Variants in SYNDIG1 observed in about 807,000 individuals in gnomAD.
The protein encoded by SYNDIG1 is synapse differentiation-inducing gene protein 1.
A neutral mutation model predicts 19.4 loss-of-function variants in SYNDIG1; 9 were observed. The ratio of observed to expected loss-of-function variants is 0.46; its 90% confidence interval spans 0.28 to 0.81. SYNDIG1 has a LOEUF of 0.81. SYNDIG1 is among the 30% of genes least tolerant of loss of function. SYNDIG1 has a pLI of 0.12. For missense variants in SYNDIG1, 311 were observed against 343.3 expected (o/e 0.91, Z 0.74); for synonymous variants, 141 against 145.9 (o/e 0.97, Z 0.24).
chr20:24,520,979 C>T (rs2056990376), intron 1 of SYNDIG1, among the ~76,000 whole-genome samples: 1 of 152,282 alleles, frequency 6.6e-6, no homozygotes, highest in African/African-American at 2.4e-5. Flanking sequence ...AGTAACTCTC[C>T]GTTCCCTCCC....
chr20:24,663,321 T>TC (rs2059619936), intron 3 of SYNDIG1, among the ~76,000 whole-genome samples: 1 of 151,990 alleles, frequency 6.6e-6, no homozygotes, highest in Admixed American at 6.6e-5. Flanking sequence ...CGTATCAAGG[T>TC]CCCCCAGCGT....
intron 3 of SYNDIG1, among the ~76,000 whole-genome samples, chr20:24,661,042 T>A (rs1056764066): frequency 2.0e-5 from 3 of 152,248 alleles, no homozygotes; most frequent in Admixed American, 6.5e-5. Flanking sequence ...GCCTTCCTTC[T>A]GTGGATGGGA....
chr20:24,597,963 T>C (rs1274967258), intron 3 of SYNDIG1, among the ~76,000 whole-genome samples: 1 of 152,116 alleles, frequency 6.6e-6, no homozygotes, highest in Non-Finnish European at 1.5e-5. Context: ...AAATGACAAT[T>C]TGGGTTATAT....
At chr20:24,555,419 C>T (rs1410542165) in intron 2 of SYNDIG1, among the ~76,000 whole-genome samples, 2 of 152,042 alleles carry the variant, frequency 1.3e-5, no homozygotes, top group African/African-American at 2.4e-5. Flanking sequence ...TTGGATCTTT[C>T]CTGCTTTCTC....
At chr20:24,591,805 C>A (rs554675156) in intron 3 of SYNDIG1, among the ~76,000 whole-genome samples, 1 of 152,344 alleles carries the variant, frequency 6.6e-6, no homozygotes, top group African/African-American at 2.4e-5. Context: ...TCGGTGCCCC[C>A]ACCATCAATG....
chr20:24,527,757 C>A (rs970551418), intron 1 of SYNDIG1, among the ~76,000 whole-genome samples: 1 of 152,064 alleles, frequency 6.6e-6, no homozygotes, highest in Non-Finnish European at 1.5e-5. Flanking sequence ...AGAGTGTGGT[C>A]CCTGGATCAG....
At chr20:24,545,328 G>A (rs1320729834) in intron 2 of SYNDIG1, among the ~76,000 whole-genome samples, 4 of 152,158 alleles carry the variant, frequency 2.6e-5, no homozygotes, top group South Asian at 2.1e-4. Flanking sequence ...GGGCACTCAC[G>A]CTGCAGCTGT....
At chr20:24,632,958 T>G (rs890550240) in intron 3 of SYNDIG1, among the ~76,000 whole-genome samples, 6 of 152,078 alleles carry the variant, frequency 3.9e-5, no homozygotes, top group Non-Finnish European at 8.8e-5. Flanking sequence ...TTTGTTTTTT[T>G]TTTTTTTTCG....
chr20:24,543,546 T>C lies in SYNDIG1; in HGVS notation c.449T>C (p.Val150Ala). Residue 150 changes from valine (V) to alanine (A), a missense_variant, in exon 2 of 4, where the codon GTG (valine) becomes GCG (alanine). By Grantham distance (64) the Val-to-Ala change is moderately conservative (BLOSUM62 0). Coordinates refer to ENST00000376862, the MANE Select transcript of SYNDIG1 (RefSeq NM_024893.3). ...DIKIHTLSYD[V>A]EEEEEFQELE... ...AAAATCCACACCCTGTCCTACGATG[T>C]GGAGGAGGAGGAGGAGTTCCAGGAG... 6.3e-7 allele frequency: 1 copy of C among 1,592,078 alleles called. No individual in the cohort carries two copies. The highest frequency in any genetic ancestry group is 1.1e-5 in the South Asian group (1 of 90,176).
At chr20:24,639,152 G>A (rs2059347113) in intron 3 of SYNDIG1, among the ~76,000 whole-genome samples, 1 of 152,282 alleles carries the variant, frequency 6.6e-6, no homozygotes, top group Middle Eastern at 3.4e-3. Flanking sequence ...CAGGAGGGGT[G>A]CACACAGAGG....
intron 3 of SYNDIG1, among the ~76,000 whole-genome samples, chr20:24,612,946 A>C (rs1444453406): frequency 6.6e-6 from 1 of 152,228 alleles, no homozygotes; most frequent in South Asian, 2.1e-4. Flanking sequence ...TGAGTGCTTC[A>C]TGAGTTCCAT....
At chr20:24,539,618 A>G (rs1470624030) in intron 1 of SYNDIG1, among the ~76,000 whole-genome samples, 3 of 152,194 alleles carry the variant, frequency 2.0e-5, no homozygotes, top group Non-Finnish European at 2.9e-5. Flanking sequence ...TGCAGACAAC[A>G]TTACTGGGAT....
chr20:24,514,971 T>G (rs1222508544), intron 1 of SYNDIG1, among the ~76,000 whole-genome samples: 1 of 152,176 alleles, frequency 6.6e-6, no homozygotes, highest in Non-Finnish European at 1.5e-5. Flanking sequence ...ATTAAGAAAC[T>G]CACTCAAAAC....
At chr20:24,484,488 G>A (rs1238700318) in intron 1 of SYNDIG1, among the ~76,000 whole-genome samples, 1 of 152,146 alleles carries the variant, frequency 6.6e-6, no homozygotes, top group Non-Finnish European at 1.5e-5. Flanking sequence ...CAGAGGTCAG[G>A]TCACGTCACT....
At chr20:24,507,769 C>T (rs2056631525) in intron 1 of SYNDIG1, among the ~76,000 whole-genome samples, 1 of 152,218 alleles carries the variant, frequency 6.6e-6, no homozygotes, top group Non-Finnish European at 1.5e-5. Context: ...GAGAAGCAGG[C>T]AGCAGGGGCC....
intron 3 of SYNDIG1, among the ~76,000 whole-genome samples, chr20:24,657,324 T>C (rs6036863): frequency 1.4e-4 from 22 of 152,220 alleles, no homozygotes; most frequent in African/African-American, 4.8e-4. Flanking sequence ...TAAATTGAGA[T>C]CCACAGAAGG....
chr20:24,494,320 G>A (rs1180410271), intron 1 of SYNDIG1, among the ~76,000 whole-genome samples: 1 of 152,202 alleles, frequency 6.6e-6, no homozygotes, highest in Non-Finnish European at 1.5e-5. Flanking sequence ...GGAATGCTGA[G>A]AAGAGTGGCC....
intron 3 of SYNDIG1, among the ~76,000 whole-genome samples, chr20:24,623,165 C>G (rs1600769931): frequency 7.6e-6 from 1 of 131,198 alleles, no homozygotes; most frequent in Admixed American, 8.4e-5. Context: ...GGTGACAGAG[C>G]AAGACTCCGT....
intron 2 of SYNDIG1, among the ~76,000 whole-genome samples, chr20:24,568,259 G>C (rs910826911): frequency 6.6e-6 from 1 of 152,214 alleles, no homozygotes; most frequent in Non-Finnish European, 1.5e-5. Context: ...TTTGTTTCAG[G>C]TAATGAGCTG....
Sources: gnomAD v4.1 joint callset for allele counts (sites outside exome capture counted in the v4.1 genomes callset) on GRCh38, gnomAD v4.1.1 for gene constraint, MANE v1.5 for transcripts, NCBI Gene and HGNC (gene_info 2026-07-23, HGNC 2026-07-21) for gene names.